FTCDNL1: variants seen among roughly 807,000 people sequenced by gnomAD.
The protein encoded by FTCDNL1 is formiminotransferase cyclodeaminase N-terminal like, also known as formiminotransferase N-terminal subdomain-containing protein.
A neutral mutation model predicts 5.9 loss-of-function variants in FTCDNL1; 11 were observed. The ratio of observed to expected loss-of-function variants is 1.87; its 90% CI spans 1.18 to 3.10. The LOEUF is 3.10. Ranked by LOEUF, FTCDNL1 falls within the 30% of genes most tolerant of loss-of-function variation. The probability of loss-of-function intolerance (pLI) is 0.00; values close to 1 mark genes in which losing one functional copy is unlikely to be tolerated. For missense variants in FTCDNL1, 115 were observed against 65.5 expected (o/e 1.76, Z -2.61); for synonymous variants, 58 against 24.8 (o/e 2.34, Z -3.99).
At chr2:199,818,175 C>T (rs41523751) in intron 4 of FTCDNL1, among the ~76,000 whole-genome samples, 6,185 of 152,208 alleles carry the variant, frequency 0.041, 179 homozygotes, top group Middle Eastern at 0.092. Context: ...ACTACATCTG[C>T]GGTATAATCT....
chr2:199,772,345 C>T (rs899378970), intron 3 of FTCDNL1, among the ~76,000 whole-genome samples: 10 of 152,166 alleles, frequency 6.6e-5, no homozygotes, highest in African/African-American at 1.9e-4. Context: ...CTTCGGAAAG[C>T]GAAACTGCAG....
rs1237242774 is a variant in FTCDNL1 at position 199,848,902 on chromosome 2, C to T, written c.61G>A (p.Gly21Arg). 1.1e-5 allele frequency: 8 copies of T among 702,152 alleles called. 1 individual carries two copies. The highest frequency in any genetic ancestry group is 4.4e-5 in the South Asian group (3 of 67,596). The allele number at this position is 702,152 out of a possible 1,614,324, so 43.5% of individuals were successfully genotyped here. The change falls in exon 2 of 5, where the codon GGA (glycine) becomes AGA (arginine). Residue 21 changes from glycine (G) to arginine (R), a missense_variant. By Grantham distance (125) the Gly-to-Arg change is moderately radical. Transcript: ENST00000420128. ...ATGTTCTCAACAATGTATTTTCTTC[C>T]GGCTTCTGAAACGTTTAGTAAACAG... Reference protein sequence around the residue: ...AACLLNVSEAGRKYIVENIAK... With the variant: ...AACLLNVSEARRKYIVENIAK...
At chr2:199,719,622 G>T in the FTCDNL1 span, among the ~76,000 whole-genome samples, 1 of 145,652 alleles carries the variant, frequency 6.9e-6, no homozygotes, top group African/African-American at 2.6e-5. Context: ...TAGTATGTTT[G>T]TTTTTTTGTT....
intron 3 of FTCDNL1, among the ~76,000 whole-genome samples, chr2:199,797,087 T>C (rs1003147411): frequency 3.3e-5 from 5 of 152,234 alleles, no homozygotes; most frequent in African/African-American, 7.2e-5. Flanking sequence ...TAGAGCATTA[T>C]TGACATGTAG....
At chr2:199,741,408 G>A in the FTCDNL1 span, among the ~76,000 whole-genome samples, 2 of 152,276 alleles carry the variant, frequency 1.3e-5, no homozygotes, top group East Asian at 3.9e-4. Flanking sequence ...ACTCCTTGTA[G>A]GAAGTAGCAC....
chr2:199,817,579 G>A (rs999278648), intron 4 of FTCDNL1, among the ~76,000 whole-genome samples: 2 of 152,056 alleles, frequency 1.3e-5, no homozygotes, highest in African/African-American at 4.8e-5. Context: ...CTGAGTCCAA[G>A]AGTTTTGAGA....
chr2:199,776,856 CAT>C (rs199554253), intron 3 of FTCDNL1, among the ~76,000 whole-genome samples: 3,916 of 151,766 alleles, frequency 0.026, 88 homozygotes, highest in Non-Finnish European at 0.039. Flanking sequence ...TACACACACA[CAT>C]ATATGTGTCT....
rs555256376 is a variant in FTCDNL1 at position 199,811,549 on chromosome 2, A to G, written c.*1156T>C. 5.9e-5 allele frequency among the ~76,000 whole-genome samples: 9 copies of G among 152,332 alleles called. No homozygotes were observed. In the East Asian group the frequency reaches 1.7e-3, roughly 29 times the overall value. On this transcript the variant is annotated 3_prime_UTR_variant, in exon 5 of 5. Transcript: ENST00000420128. Reference sequence around the variant, plus strand: ...CTTCACCATTACGCTTTGCTGTCCCATAGCTTTGATATGCCCAGTCACATT... The same window carrying G: ...CTTCACCATTACGCTTTGCTGTCCCGTAGCTTTGATATGCCCAGTCACATT...
At chr2:199,745,379 C>T in the FTCDNL1 span, among the ~76,000 whole-genome samples, 1 of 152,138 alleles carries the variant, frequency 6.6e-6, no homozygotes, top group Non-Finnish European at 1.5e-5. Flanking sequence ...CTCTATTTGT[C>T]CCAAGATGCC....
At chr2:199,731,801 T>C in the FTCDNL1 span, among the ~76,000 whole-genome samples, 1 of 149,548 alleles carries the variant, frequency 6.7e-6, no homozygotes, top group African/African-American at 2.5e-5. Flanking sequence ...GGCAGGAGAA[T>C]GGCGAGAACC....
At chr2:199,824,376 A>G (rs995595993) in intron 3 of FTCDNL1, among the ~76,000 whole-genome samples, 2 of 152,144 alleles carry the variant, frequency 1.3e-5, no homozygotes, top group Non-Finnish European at 2.9e-5. Flanking sequence ...GGCTTGTTTG[A>G]TCTTCTATCC....
the FTCDNL1 span, among the ~76,000 whole-genome samples, chr2:199,741,537 T>C: frequency 2.9e-3 from 439 of 152,328 alleles, 2 homozygotes; most frequent in African/African-American, 0.01. Flanking sequence ...GAATAATTAT[T>C]ATACTTACGG....
chr2:199,786,640 C>T (rs1473762901), intron 3 of FTCDNL1, among the ~76,000 whole-genome samples: 1 of 152,150 alleles, frequency 6.6e-6, no homozygotes, highest in South Asian at 2.1e-4. Context: ...CATACATTTA[C>T]CATATTTCAT....
the FTCDNL1 span, among the ~76,000 whole-genome samples, chr2:199,714,292 A>G: frequency 6.6e-6 from 1 of 152,222 alleles, no homozygotes; most frequent in African/African-American, 2.4e-5. Flanking sequence ...CAAGAGATCA[A>G]TAGAAAAATC....
the FTCDNL1 span, among the ~76,000 whole-genome samples, chr2:199,676,685 C>A: frequency 1.3e-5 from 2 of 152,048 alleles, no homozygotes; most frequent in Admixed American, 6.6e-5. Context: ...TAAGCAAATG[C>A]TGATCTAAGA....
At chr2:199,664,258 CT>C in the FTCDNL1 span, among the ~76,000 whole-genome samples, 1 of 152,104 alleles carries the variant, frequency 6.6e-6, no homozygotes, top group Non-Finnish European at 1.5e-5. Context: ...AGCACTTTTT[CT>C]TCTTAATTTT....
At chr2:199,821,461 G>GT (rs931493070) in intron 3 of FTCDNL1, among the ~76,000 whole-genome samples, 3 of 150,212 alleles carry the variant, frequency 2.0e-5, no homozygotes, top group African/African-American at 7.4e-5. Context: ...GCCCAGCCTG[G>GT]TTTTTTGTTT....
chr2:199,780,683 T>A lies in FTCDNL1; in HGVS notation c.212-19848A>T, dbSNP rs1400585938. The stretch of plus-strand genomic sequence containing the variant: ...GTAGCACACACCCTCATTTTTGGGG[T>A]TCTGAGCCCTAGCTTAGGGCATGGC... On this transcript the variant is annotated intron_variant, in intron 3 of 3. Coordinates refer to the FTCDNL1 transcript ENST00000416668. 2.0e-5 allele frequency among the ~76,000 whole-genome samples: 3 copies of A among 152,084 alleles called. No homozygotes were observed. The East Asian group carries it at 5.8e-4, about 29-fold the overall frequency.
At chr2:199,842,659 C>A (rs2076622016) in intron 3 of FTCDNL1, among the ~76,000 whole-genome samples, 1 of 152,172 alleles carries the variant, frequency 6.6e-6, no homozygotes, top group African/African-American at 2.4e-5. Context: ...AAGCTATAAG[C>A]AAACTTACAG....
Sources: allele counts gnomAD v4.1 joint callset (sites outside exome capture counted in the v4.1 genomes callset), GRCh38; gene constraint gnomAD v4.1.1; transcripts MANE v1.5; gene names NCBI Gene and HGNC (gene_info 2026-07-23, HGNC 2026-07-21).